CCDC77: variants seen among roughly 807,000 people sequenced by gnomAD.
The protein encoded by CCDC77 is coiled-coil domain containing 77.
CCDC77 carries 56 observed loss-of-function variants against 66.8 expected under a neutral mutation model. The observed-to-expected ratio is 0.84, with a 90% CI of 0.68 to 1.05. CCDC77 has a LOEUF of 1.05. CCDC77 is among the 50% of genes least tolerant of loss of function. The probability of loss-of-function intolerance (pLI) is 0.00; values close to 1 mark genes in which losing one functional copy is unlikely to be tolerated. For missense variants in CCDC77, 570 were observed against 576.8 expected, an observed-to-expected ratio of 0.99 and a Z score of 0.12; for synonymous variants, 196 against 195.2, an observed-to-expected ratio of 1.00 and a Z score of -0.03.
intron 1 of CCDC77, among the ~76,000 whole-genome samples, chr12:393,718 G>A (rs572250776): frequency 6.6e-6 from 1 of 152,190 alleles, no homozygotes; most frequent in South Asian, 2.1e-4. Context: ...TTTTAGTAGA[G>A]ACGGAGTTTT....
At chr12:389,380 T>G in exon 1 of CCDC77, 1 of 575,554 alleles carries the variant, frequency 1.7e-6, no homozygotes, top group Non-Finnish European at 3.1e-6. Flanking sequence ...CGCCTGTGTG[T>G]CTGGCCTTTC....
intron 4 of CCDC77, among the ~76,000 whole-genome samples, chr12:415,268 A>AATTATTAACATAATATTATGTTAAT (rs1945202915): frequency 1.5e-5 from 2 of 135,204 alleles, no homozygotes; most frequent in South Asian, 4.8e-4. Flanking sequence ...TTATTAACAT[A>AATTATTAACATAATATTATGTTAAT]ATTATTAACA....
At chr12:402,221 A>G (rs1240522221) in intron 1 of CCDC77, among the ~76,000 whole-genome samples, 1 of 152,214 alleles carries the variant, frequency 6.6e-6, no homozygotes, top group East Asian at 1.9e-4. Flanking sequence ...AAACAAAGGC[A>G]TTGTTCCTTT....
At chr12:408,087 A>G (rs1233192848) in intron 2 of CCDC77, among the ~76,000 whole-genome samples, 1 of 151,874 alleles carries the variant, frequency 6.6e-6, no homozygotes, top group Non-Finnish European at 1.5e-5. Flanking sequence ...GCACCCGGCC[A>G]CAGGACTGAA....
chr12:412,059 C>A, intron 4 of CCDC77, 81 bp downstream of exon 4: 1 of 1,005,880 alleles, frequency 9.9e-7, no homozygotes, highest in Non-Finnish European at 1.5e-6. Context: ...CAGTTTATAT[C>A]AGAAGCAGAT....
intron 3 of CCDC77, 131 bp downstream of exon 3, chr12:409,552 CTG>C (rs1394329017): frequency 2.4e-6 from 2 of 827,964 alleles, no homozygotes; most frequent in Non-Finnish European, 3.9e-6. Flanking sequence ...GAGTTTCACT[CTG>C]TGCCCAGGAT....
At chr12:415,340 TAATATAATC>T (rs1945211736) in intron 4 of CCDC77, among the ~76,000 whole-genome samples, 1 of 103,322 alleles carries the variant, frequency 9.7e-6, no homozygotes, top group Non-Finnish European at 2.0e-5. Context: ...AATATTATGT[TAATATAATC>T]AACATAATAT....
intron 2 of CCDC77, among the ~76,000 whole-genome samples, chr12:408,364 T>C (rs1257418903): frequency 6.6e-6 from 1 of 152,152 alleles, no homozygotes; most frequent in Admixed American, 6.6e-5. Context: ...GGGTTATCAA[T>C]TGAGATGGAG....
At chr12:428,323 T>C (rs1591986529) in intron 5 of CCDC77, among the ~76,000 whole-genome samples, 1 of 151,904 alleles carries the variant, frequency 6.6e-6, no homozygotes, top group African/African-American at 2.4e-5. Flanking sequence ...CCTTCCTGGC[T>C]AACACAGTGA....
chr12:418,910 G>C (rs137918762), intron 5 of CCDC77: 2 of 337,322 alleles, frequency 5.9e-6, no homozygotes, highest in Non-Finnish European at 1.1e-5. Flanking sequence ...TGTCAGCCAC[G>C]CTGGTCTCGA....
At chr12:418,987 C>G in intron 5 of CCDC77, 1 of 203,326 alleles carries the variant, frequency 4.9e-6, no homozygotes, top group Non-Finnish European at 1.0e-5. Flanking sequence ...GCGTGAACCA[C>G]CATGCCCAGC....
intron 12 of CCDC77, among the ~76,000 whole-genome samples, chr12:441,322 T>C (rs113280229): frequency 8.1e-4 from 124 of 152,330 alleles, no homozygotes; most frequent in African/African-American, 2.9e-3. Context: ...AGTACTTTTT[T>C]CCAGCAGACA....
intron 10 of CCDC77, among the ~76,000 whole-genome samples, chr12:438,894 C>G (rs1591995687): frequency 6.6e-6 from 1 of 150,826 alleles, no homozygotes; most frequent in Non-Finnish European, 1.5e-5. Context: ...TGGTGAAACC[C>G]CGTCTCTACT....
Position 442,521 on chromosome 12 carries a change from AG to A in CCDC77, c.*605del, listed in dbSNP as rs1945875697. 1 of 152,204 alleles carries A rather than the reference AG, an allele frequency of 6.6e-6. No homozygotes were observed. The highest frequency in any genetic ancestry group is 2.4e-5 in the African/African-American group (1 of 41,462). The allele number at this position is 152,204 out of a possible 1,614,324, so 9.4% of individuals were successfully genotyped here. ...GAAAGATTCGGGAGACACTTTGCCG[AG>A]GGGATGAAGCTGAGATGATGCTTGT... On this transcript the variant is annotated 3_prime_UTR_variant, in exon 13 of 13. Transcript: ENST00000239830.
chr12:441,315 A>C (rs1452432204), intron 12 of CCDC77, among the ~76,000 whole-genome samples: 2 of 152,216 alleles, frequency 1.3e-5, no homozygotes, highest in East Asian at 3.8e-4. Flanking sequence ...GTGATAGAGT[A>C]CTTTTTTCCA....
chr12:407,194 G>A (rs1406779831), intron 2 of CCDC77, among the ~76,000 whole-genome samples: 2 of 152,178 alleles, frequency 1.3e-5, no homozygotes, highest in South Asian at 2.1e-4. Flanking sequence ...GGGCATAGGT[G>A]ATAAGTAGTT....
upstream of CCDC77, among the ~76,000 whole-genome samples, chr12:401,342 C>A (rs752821162): frequency 6.6e-6 from 1 of 152,258 alleles, no homozygotes; most frequent in Non-Finnish European, 1.5e-5. Flanking sequence ...GTTGAGCAAT[C>A]TTAAGTGGGG....
At position 418,523 on chromosome 12, in the gene CCDC77, G is replaced by A. The variant is rs1945328954; in HGVS notation, c.300G>A (p.Arg100=). 2.0e-5 allele frequency: 32 copies of A among 1,614,026 alleles called. No individual in the cohort carries two copies. The highest frequency in any genetic ancestry group is 2.5e-5 in the Non-Finnish European group (29 of 1,179,932). The change falls in exon 5 of 13, where the codon AGG becomes AGA. Residue 100 remains arginine, a synonymous_variant. Coordinates refer to ENST00000239830, the MANE Select transcript of CCDC77 (RefSeq NM_032358.4). ...QHKLECDLQQ[R]EEEIAELQKA... is the part of the protein sequence containing the mutation. ...AACTTGAATGTGATTTGCAGCAGAG[G>A]GAGGAAGAGATTGCTGAATTGCAGA...
At chr12:427,111 G>GGT (rs1228763965) in intron 5 of CCDC77, among the ~76,000 whole-genome samples, 1 of 152,104 alleles carries the variant, frequency 6.6e-6, no homozygotes, top group Non-Finnish European at 1.5e-5. Context: ...TGGGCATTGT[G>GGT]GCATGCGCCT....
Sources: allele counts gnomAD v4.1 joint callset (sites outside exome capture counted in the v4.1 genomes callset), GRCh38; gene constraint gnomAD v4.1.1; transcripts MANE v1.5; gene names NCBI Gene and HGNC (gene_info 2026-07-23, HGNC 2026-07-21).